Variants in CYP46A1 observed in about 807,000 individuals in gnomAD.
CYP46A1 encodes the protein cholesterol 24-hydroxylase.
In CYP46A1, 20 loss-of-function variants were observed where a neutral mutation model predicts 63.3. The ratio of observed to expected loss-of-function variants is 0.32; its 90% CI spans 0.22 to 0.46. The LOEUF is 0.46. Among genes scored for constraint, CYP46A1 ranks in the 20% least tolerant of loss-of-function variants. The pLI, the probability that CYP46A1 is intolerant of heterozygous loss-of-function variation, is 1.00. For missense variants in CYP46A1, 445 were observed against 670.8 expected, an observed-to-expected ratio of 0.66 and a Z score of 3.72; for synonymous variants, 268 against 273.6, an observed-to-expected ratio of 0.98 and a Z score of 0.20.
intron 11 of CYP46A1, 148 bp downstream of exon 11, chr14:99,721,471 G>C (rs1288916704): frequency 1.8e-5 from 12 of 650,916 alleles, no homozygotes; most frequent in African/African-American, 3.6e-5. Flanking sequence ...CTGAGGCCCA[G>C]GCTGCCCCAG....
chr14:99,718,363 C>T (rs1194732165), intron 10 of CYP46A1, among the ~76,000 whole-genome samples: 1 of 152,186 alleles, frequency 6.6e-6, no homozygotes, highest in Admixed American at 6.5e-5. Context: ...GGAGCCACCC[C>T]ACGTTTCCCC....
intron 4 of CYP46A1, 64 bp from the exon 5 acceptor site, chr14:99,699,951 C>T (rs982605448): frequency 2.8e-6 from 3 of 1,056,236 alleles, no homozygotes; most frequent in Admixed American, 1.9e-5. Flanking sequence ...TGACCCCAAG[C>T]CCATCAAGCA....
intron 3 of CYP46A1, among the ~76,000 whole-genome samples, chr14:99,694,390 G>A (rs980026342): frequency 9.2e-5 from 8 of 86,536 alleles, no homozygotes; most frequent in African/African-American, 3.5e-4. Flanking sequence ...TTTTTTTCTT[G>A]ATCAGTTCAC....
At chr14:99,700,223 G>T in intron 5 of CYP46A1, 122 bp downstream of exon 5, 1 of 584,924 alleles carries the variant, frequency 1.7e-6, no homozygotes, top group Non-Finnish European at 2.8e-6. Context: ...GCTGAAGGGA[G>T]AGAGGAAAAA....
intron 7 of CYP46A1, chr14:99,712,819 G>A (rs755608229): frequency 3.3e-5 from 5 of 151,688 alleles, no homozygotes; most frequent in Non-Finnish European, 7.4e-5. Flanking sequence ...GTGAAACCAC[G>A]AAAGAGCCAA....
At chr14:99,706,591 G>A (rs2056678201) in intron 5 of CYP46A1, 56 bp from the exon 6 acceptor site, 3 of 1,601,196 alleles carry the variant, frequency 1.9e-6, no homozygotes, top group African/African-American at 1.3e-5. Context: ...AGGGCACATG[G>A]CAGTCCACCA....
chr14:99,694,328 A>G (rs1308686677), intron 3 of CYP46A1, among the ~76,000 whole-genome samples: 1 of 121,538 alleles, frequency 8.2e-6, no homozygotes, highest in Non-Finnish European at 1.7e-5. Context: ...AGGATCTGTG[A>G]TATGTTCCCT....
chr14:99,717,947 GC>G, intron 9 of CYP46A1, 106 bp from the exon 10 acceptor site: 1 of 839,846 alleles, frequency 1.2e-6, no homozygotes, highest in Admixed American at 2.3e-5. Flanking sequence ...ATGCCTGGGG[GC>G]ACATGCCATT....
Position 99,721,259 on chromosome 14 carries a change from A to G in CYP46A1, c.1001A>G (p.Glu334Gly). Residue 334 changes from glutamate (E) to glycine (G), a missense_variant, in exon 11 of 15, where the codon GAG becomes GGG. Around this residue, in one of 4 missense-constraint regions of CYP46A1, gnomAD observed 95 missense variants for 156.9 expected, o/e 0.61. Transcript: ENST00000261835. ...IVARLQAEVDEVIGSKRYLDF... is the reference protein window; with the variant it reads ...IVARLQAEVDGVIGSKRYLDF... ...CACAGGCTGCAGGCCGAGGTGGATG[A>G]GGTCATTGGTTCTAAGAGGTACCTG... 1 of 1,613,944 alleles carries G rather than the reference A, an allele frequency of 6.2e-7. No homozygotes were observed. Among genetic ancestry groups the G allele is most frequent in the East Asian group, 2.2e-5 (1 of 44,862 alleles).
In CYP46A1 at chr14:99,726,182, C is replaced by T; in HGVS notation, c.1266-8C>T. On this transcript the variant is annotated splice_polypyrimidine_tract_variant and splice_region_variant and intron_variant, in intron 13 of 14. Transcript: ENST00000261835. The stretch of plus-strand genomic sequence containing the variant: ...TGCTGGCCTCGTGATTCCTCTCTTT[C>T]CCTGCAGGCCACGGTTCACCTACTT... The T allele has an allele frequency of 2.5e-6, 4 of 1,613,678 alleles. No homozygotes were observed. The highest frequency in any genetic ancestry group is 3.4e-6 in the Non-Finnish European group (4 of 1,179,726).
intron 14 of CYP46A1, 57 bp downstream of exon 14, chr14:99,726,313 TC>T: frequency 6.4e-7 from 1 of 1,562,762 alleles, no homozygotes; most frequent in Non-Finnish European, 8.8e-7. Context: ...TGGGGGCTCA[TC>T]CTGAGCCGGG....
intron 10 of CYP46A1, among the ~76,000 whole-genome samples, chr14:99,719,892 G>C (rs1450166180): frequency 3.3e-5 from 5 of 151,374 alleles, no homozygotes; most frequent in Non-Finnish European, 5.9e-5. Context: ...CTCCCAAGTA[G>C]CTGGGACTAT....
intron 10 of CYP46A1, among the ~76,000 whole-genome samples, chr14:99,719,241 A>T (rs1566835386): frequency 6.6e-6 from 1 of 152,100 alleles, no homozygotes; most frequent in Admixed American, 6.5e-5. Context: ...CTTTTTTGAG[A>T]CAGAGTCTTG....
chr14:99,718,300 A>G (rs1306898180), intron 10 of CYP46A1, among the ~76,000 whole-genome samples, 174 bp downstream of exon 10: 1 of 152,060 alleles, frequency 6.6e-6, no homozygotes, highest in East Asian at 1.9e-4. Context: ...CCCCTGGAGA[A>G]CACACCTCCT....
intron 7 of CYP46A1, chr14:99,712,903 A>C (rs2056747806): frequency 6.6e-6 from 1 of 152,226 alleles, no homozygotes; most frequent in African/African-American, 2.4e-5. Context: ...ATCTACTATA[A>C]AGCTACAATA....
rs778095376 is a variant in CYP46A1 at position 99,725,443 on chromosome 14, C to A, written c.1229C>A (p.Thr410Asn). ...RMDTYFEDPL[T>N]FNPDRFGPGA... ...GACACATACTTTGAGGACCCGCTGACTTTCAACCCCGATCGCTTCGGCCCT... is the reference window on the plus strand; with the variant it reads ...GACACATACTTTGAGGACCCGCTGAATTTCAACCCCGATCGCTTCGGCCCT... Residue 410 changes from threonine to asparagine, a missense_variant, in exon 13 of 15, where the codon ACT becomes AAT. By Grantham distance (65) the Thr-to-Asn change is moderately conservative. This residue lies in a region of CYP46A1 where 95 missense variants were observed against 156.9 expected (regional missense o/e 0.61). Coordinates refer to ENST00000261835, the MANE Select transcript of CYP46A1 (RefSeq NM_006668.2). This position sits in a 1 kb window ranked among gnomAD's most constrained non-coding sequence, Gnocchi z 4.2. 9 of 1,614,170 alleles carry A rather than the reference C, an allele frequency of 5.6e-6. No homozygotes were observed. Among genetic ancestry groups the A allele is most frequent in the Non-Finnish European group, 7.6e-6 (9 of 1,180,018 alleles).
rs191047849 is a variant in CYP46A1, at chr14:99,690,999, G to A, written c.120-82G>A. On this transcript the variant is annotated intron_variant, in intron 1 of 14. Transcript: ENST00000261835. ...CTCGGTCCTCCTGTCTGTGAAGTGG[G>A]CCTAGTAATAAGATCTTGTGGGGAA... 368 of 1,329,798 alleles carry A rather than the reference G, an allele frequency of 2.8e-4. 1 individual carries two copies. The African/African-American group carries it at 4.6e-3, about 17-fold the overall frequency. 82.4% of individuals were successfully genotyped at this position (1,329,798 alleles called of 1,614,324 possible).
intron 7 of CYP46A1, chr14:99,711,337 A>G: frequency 6.6e-6 from 1 of 152,124 alleles, no homozygotes; most frequent in Non-Finnish European, 1.5e-5. Flanking sequence ...CTAAAAAAGT[A>G]CAAAGACCAA....
At chr14:99,698,883 A>G (rs1350318367) in intron 3 of CYP46A1, among the ~76,000 whole-genome samples, 6 of 152,164 alleles carry the variant, frequency 3.9e-5, no homozygotes, top group African/African-American at 4.8e-5. Flanking sequence ...GAGTTTCACA[A>G]TCCTGCACTG....
Sources: gnomAD v4.1 joint callset for allele counts (sites outside exome capture counted in the v4.1 genomes callset) on GRCh38, gnomAD v4.1.1 for gene constraint, gnomAD v4.1.1 regional missense constraint, Gnocchi (gnomAD v3.1) non-coding constraint, MANE v1.5 for transcripts, NCBI Gene and HGNC (gene_info 2026-07-23, HGNC 2026-07-21) for gene names.